The following WDFY4 variants were observed in gnomAD, a reference collection of about 807,000 sequenced individuals.
WDFY4 encodes WDFY family member 4, also known as WD repeat- and FYVE domain-containing protein 4.
WDFY4 carries 169 observed loss-of-function variants against 351.9 expected under a neutral mutation model. That is an observed-to-expected ratio of 0.48 (90% CI 0.42 to 0.55). WDFY4 has a LOEUF of 0.55. WDFY4 is among the 20% of genes least tolerant of loss of function. The pLI is 0.00. For missense variants in WDFY4, 3,803 were observed against 3,935.6 expected, an observed-to-expected ratio of 0.97 and a Z score of 0.90; for synonymous variants, 1,622 against 1,574.6, an observed-to-expected ratio of 1.03 and a Z score of -0.71.
chr10:48,949,434 G>C lies in WDFY4; in HGVS notation c.7977+2465G>C, dbSNP rs988935111. On this transcript the variant is annotated intron_variant, in intron 51 of 61. Coordinates refer to ENST00000325239, the MANE Select transcript of WDFY4 (RefSeq NM_001394531.1). ...CAGGCTCCTCTTTGAGAGTGCTGGG[G>C]CCTTGGCAGACCTCCTTAAGAATAT... 2.9e-4 allele frequency among the ~76,000 whole-genome samples: 44 copies of C among 152,198 alleles called. 1 individual carries two copies. The highest frequency in any genetic ancestry group is 4.1e-4 in the South Asian group (2 of 4,832).
At chr10:48,866,968 C>T (rs1391823240) in intron 39 of WDFY4, among the ~76,000 whole-genome samples, 2 of 151,924 alleles carry the variant, frequency 1.3e-5, no homozygotes, top group Admixed American at 6.6e-5. Flanking sequence ...GTCAGAAGTT[C>T]AAGACCAGCC....
intron 39 of WDFY4, among the ~76,000 whole-genome samples, chr10:48,841,622 T>G (rs1400849734): frequency 6.6e-6 from 1 of 152,216 alleles, no homozygotes; most frequent in African/African-American, 2.4e-5. Context: ...CATCCTTAGT[T>G]GTAAGCTCAC....
At chr10:48,839,917 G>A (rs114119791) in intron 39 of WDFY4, among the ~76,000 whole-genome samples, 1,622 of 152,274 alleles carry the variant, frequency 0.011, 27 homozygotes, top group African/African-American at 0.037. Flanking sequence ...CTTAATTGTG[G>A]TGGGCAATGC....
intron 36 of WDFY4, 58 bp downstream of exon 36, chr10:48,826,967 T>A: frequency 7.0e-7 from 1 of 1,419,330 alleles, no homozygotes; most frequent in Non-Finnish European, 9.7e-7. Context: ...AAGGAGAGAT[T>A]TAGAGGAAAG....
chr10:48,963,410 G>C (rs907323170), intron 53 of WDFY4, among the ~76,000 whole-genome samples: 3 of 152,198 alleles, frequency 2.0e-5, no homozygotes, highest in Non-Finnish European at 4.4e-5. Context: ...TCGAGAGCAC[G>C]GTCTCCTGAT....
chr10:48,900,210 T>C lies in WDFY4; in HGVS notation c.7438-11T>C. On this transcript the variant is annotated splice_polypyrimidine_tract_variant and intron_variant, in intron 45 of 61. Transcript: ENST00000325239. ...AATATCAGGAGCATTAAAAGGGGCT[T>C]CTCTTCACAGGACATCGCCCTGGAG... 6.5e-7 allele frequency: 1 copy of C among 1,549,180 alleles called. No homozygotes were observed. The highest frequency in any genetic ancestry group is 8.7e-7 in the Non-Finnish European group (1 of 1,146,112).
chr10:48,727,401 A>T, intron 6 of WDFY4, 69 bp from the exon 7 acceptor site: 1 of 1,434,958 alleles, frequency 7.0e-7, no homozygotes, highest in Admixed American at 2.1e-5. Flanking sequence ...TAGGGGAGGT[A>T]GGTGGACCAT....
chr10:48,928,353 C>CATGT lies in WDFY4; in HGVS notation c.7587-13453_7587-13452insATGT, dbSNP rs768718529. 5.6e-5 allele frequency among the ~76,000 whole-genome samples: 7 copies of CATGT among 125,044 alleles called. No homozygotes were observed. The East Asian group carries it at 1.8e-3, about 32-fold the overall frequency. The allele number at this position is 125,044 out of a possible 152,430, so 82.0% of individuals were successfully genotyped here. On this transcript the variant is annotated intron_variant, in intron 47 of 61. Coordinates refer to ENST00000325239, the MANE Select transcript of WDFY4 (RefSeq NM_001394531.1). ...TGGCCCTTGGAGGCTTTGGTTTTGACGTGTGTGTGTGTGTGTGTGTGTGTG... is the reference window on the plus strand; with the variant it reads ...TGGCCCTTGGAGGCTTTGGTTTTGACATGTGTGTGTGTGTGTGTGTGTGTGTGTG...
At chr10:48,901,262 T>C (rs1430679724) in intron 46 of WDFY4, among the ~76,000 whole-genome samples, 2 of 152,238 alleles carry the variant, frequency 1.3e-5, no homozygotes, top group African/African-American at 2.4e-5. Context: ...CAAGGCCTAG[T>C]TTAGACCAAA....
chr10:48,809,077 G>A (rs992314817), intron 28 of WDFY4, among the ~76,000 whole-genome samples: 3 of 152,160 alleles, frequency 2.0e-5, no homozygotes, highest in African/African-American at 7.2e-5. Flanking sequence ...TGAGAATGGT[G>A]CCTGGAATAC....
At chr10:48,874,979 TG>T in intron 41 of WDFY4, 109 bp from the exon 42 acceptor site, 1 of 493,222 alleles carries the variant, frequency 2.0e-6, no homozygotes, top group East Asian at 3.8e-5. Context: ...TTGCATAATT[TG>T]AAGGGGTCAC....
chr10:48,846,497 A>T (rs147515355), intron 39 of WDFY4, among the ~76,000 whole-genome samples: 1,625 of 152,348 alleles, frequency 0.011, 26 homozygotes, highest in African/African-American at 0.037. Context: ...GGGTTTGCAC[A>T]GGGCCTGAAC....
chr10:48,924,910 C>T (rs371406530), intron 47 of WDFY4, among the ~76,000 whole-genome samples: 1 of 152,148 alleles, frequency 6.6e-6, no homozygotes, highest in Non-Finnish European at 1.5e-5. Flanking sequence ...TTCTGACATC[C>T]CTAAATAGCT....
chr10:48,691,186 A>G (rs2063184354), intron 1 of WDFY4, among the ~76,000 whole-genome samples: 1 of 151,908 alleles, frequency 6.6e-6, no homozygotes, highest in Admixed American at 6.5e-5. Context: ...GGCTGTCAGG[A>G]CCCACTGGGG....
intron 52 of WDFY4, among the ~76,000 whole-genome samples, chr10:48,959,298 G>A (rs956735914): frequency 1.3e-5 from 2 of 152,204 alleles, no homozygotes; most frequent in Non-Finnish European, 2.9e-5. Flanking sequence ...GTGATGTGTG[G>A]CCAGGGCCTA....
At position 48,720,894 on chromosome 10, in the gene WDFY4, T is replaced by G. The variant is rs374882802; in HGVS notation, c.350-367T>G. Among the ~76,000 whole-genome samples, 4 of 152,274 alleles carry G rather than the reference T, an allele frequency of 2.6e-5. No individual in the cohort carries two copies. In the East Asian group the frequency reaches 5.8e-4, roughly 22 times the overall value. On this transcript the variant is annotated intron_variant, in intron 3 of 61. Coordinates refer to ENST00000325239, the MANE Select transcript of WDFY4 (RefSeq NM_001394531.1). ...GGAAATTCTGAGGGGAAGAAATTGC[T>G]CAGCATGGTGTAGATTTCAGGAATT...
chr10:48,800,719 TTTCA>T (rs1470389366), intron 24 of WDFY4, among the ~76,000 whole-genome samples: 2,031 of 121,832 alleles, frequency 0.017, 39 homozygotes, highest in Middle Eastern at 0.043. Context: ...TCTTTCTTTC[TTTCA>T]TTCTTTCTTT....
In WDFY4 at chr10:48,743,455, G is replaced by A; in HGVS notation, c.2366G>A (p.Arg789Lys). ...CGTGGGGACCTGAAGGAGTCCCTGA[G>A]GACCAAGCAGGGGCCGGTTGTGGAT... ...HLRGDLKESL[R>K]TKQGPVVDVQ... is the part of the protein sequence containing the mutation. Residue 789 changes from arginine (R) to lysine (K), a missense_variant, in exon 12 of 62, where the codon AGG becomes AAG. Arg to Lys is a conservative substitution (Grantham distance 26). Coordinates refer to ENST00000325239, the MANE Select transcript of WDFY4 (RefSeq NM_001394531.1). The A allele has an allele frequency of 6.5e-7, 1 of 1,549,976 alleles. No homozygotes were observed. Among genetic ancestry groups the A allele is most frequent in the Non-Finnish European group, 8.7e-7 (1 of 1,146,986 alleles).
At chr10:48,941,780 C>T (rs911616725) in intron 47 of WDFY4, 26 bp from the exon 48 acceptor site, 3 of 1,551,576 alleles carry the variant, frequency 1.9e-6, no homozygotes, top group Non-Finnish European at 2.6e-6. Flanking sequence ...TATATTTAGT[C>T]ACCACCTTGG....
Sources: gnomAD v4.1 joint callset for allele counts (sites outside exome capture counted in the v4.1 genomes callset) on GRCh38, gnomAD v4.1.1 for gene constraint, MANE v1.5 for transcripts, NCBI Gene and HGNC (gene_info 2026-07-23, HGNC 2026-07-21) for gene names.